Variants in PRKN observed in about 807,000 individuals in gnomAD.
PRKN encodes the protein E3 ubiquitin-protein ligase parkin.
Under a neutral mutation model 59.5 loss-of-function variants are expected in PRKN, and 56 were observed. The ratio of observed to expected loss-of-function variants is 0.94; its 90% confidence interval spans 0.76 to 1.18. PRKN has a LOEUF of 1.18. Ranked by LOEUF, PRKN falls within the 50% of genes most tolerant of loss-of-function variation. The pLI, the probability that PRKN is intolerant of heterozygous loss-of-function variation, is 0.00. For synonymous variants in PRKN, 250 were observed against 222.1 expected, an observed-to-expected ratio of 1.13 and a Z score of -1.12; for missense variants, 657 against 596.4, an observed-to-expected ratio of 1.10 and a Z score of -1.06.
At chr6:161,680,038 G>A (rs756577255) in intron 7 of PRKN, among the ~76,000 whole-genome samples, 6 of 152,110 alleles carry the variant, frequency 3.9e-5, no homozygotes, top group Non-Finnish European at 7.4e-5. Context: ...ACAGGCATGA[G>A]CCACCGTGCC....
chr6:162,578,145 T>G (rs1339766577), intron 1 of PRKN, among the ~76,000 whole-genome samples: 2 of 152,036 alleles, frequency 1.3e-5, no homozygotes, highest in Non-Finnish European at 2.9e-5. Flanking sequence ...GAGGAAATAT[T>G]TGGACAAATT....
intron 10 of PRKN, among the ~76,000 whole-genome samples, chr6:161,374,004 T>C (rs1465189397): frequency 6.6e-6 from 1 of 152,170 alleles, no homozygotes; most frequent in African/African-American, 2.4e-5. Context: ...TCATTTTATT[T>C]TTGTTTCTGG....
intron 4 of PRKN, among the ~76,000 whole-genome samples, chr6:162,141,977 G>T (rs919405573): frequency 2.0e-5 from 3 of 152,136 alleles, no homozygotes; most frequent in African/African-American, 7.2e-5. Flanking sequence ...ATGCACCATT[G>T]TAAGCTGTCC....
At position 161,548,210 on chromosome 6, in the gene PRKN, G is replaced by A. The variant is rs532390606; in HGVS notation, c.1083+644C>T. Among the ~76,000 whole-genome samples, 4 of 152,128 alleles carry A rather than the reference G, an allele frequency of 2.6e-5. No individual in the cohort carries two copies. The highest frequency in any genetic ancestry group is 2.6e-4 in the Admixed American group (4 of 15,280). ...AACCTATAATTTAGTAAGCCTTTTT[G>A]TGTTTGAGTTATGCTTCTTCCCCCC... On this transcript the variant is annotated intron_variant, in intron 9 of 11. Transcript: ENST00000366898. This position sits in a 1 kb window ranked among gnomAD's most constrained non-coding sequence, Gnocchi z 4.2.
At position 161,629,632 on chromosome 6, in the gene PRKN, C is replaced by T. The variant is rs139322454; in HGVS notation, c.872-60216G>A. Among the ~76,000 whole-genome samples the T allele has an allele frequency of 1.6e-3, 241 of 152,250 alleles. 2 individuals are homozygous for T. Among genetic ancestry groups the T allele is most frequent in the African/African-American group, 5.6e-3 (231 of 41,532 alleles). On this transcript the variant is annotated intron_variant, in intron 7 of 11. Transcript: ENST00000366898. Reference sequence around the variant, plus strand: ...TGCCCTTCCCAGGCTGGCCCTGAACCACGGACGCTTTTTTAATGTTTTCCA... The same window carrying T: ...TGCCCTTCCCAGGCTGGCCCTGAACTACGGACGCTTTTTTAATGTTTTCCA...
rs767771305 is a variant in PRKN at position 162,727,724 on chromosome 6, G to T, written c.-56C>A. On this transcript the variant is annotated 5_prime_UTR_variant, in exon 1 of 12. Transcript: ENST00000366898. ...GGAACAGGCCCATGCGCGCAGCGGC[G>T]CCAGCCGCGCCTCCCACCAGCGGCT... is the stretch of plus-strand genomic sequence containing the variant. The T allele has an allele frequency of 6.5e-7, 1 of 1,533,372 alleles. No homozygotes were observed. Among genetic ancestry groups the T allele is most frequent in the Non-Finnish European group, 8.8e-7 (1 of 1,132,156 alleles). The allele number at this position is 1,533,372 out of a possible 1,614,324, so 95.0% of individuals were successfully genotyped here. A position where few individuals can be genotyped will look rare whatever the true frequency, so the allele number is the denominator to read the frequency against.
chr6:162,346,433 T>G lies in PRKN; in HGVS notation c.172-83668A>C, dbSNP rs112840332. ...GAGTTCGAGACCAGCCTGGGCAACA[T>G]AGTGAAAAATCTGTCTCTACAAAAA... On this transcript the variant is annotated intron_variant, in intron 2 of 11. Coordinates refer to ENST00000366898, the MANE Select transcript of PRKN (RefSeq NM_004562.3). Among the ~76,000 whole-genome samples, 35 of 141,076 alleles carry G rather than the reference T, an allele frequency of 2.5e-4. No individual in the cohort carries two copies. The East Asian group carries it at 7.3e-3, about 29-fold the overall frequency. The allele number at this position is 141,076 out of a possible 152,430, so 92.6% of individuals were successfully genotyped here. A position where few individuals can be genotyped will look rare whatever the true frequency, so the allele number is the denominator to read the frequency against.
intron 5 of PRKN, among the ~76,000 whole-genome samples, chr6:162,031,595 A>G (rs1783644710): frequency 6.8e-6 from 1 of 147,944 alleles, no homozygotes; most frequent in Non-Finnish European, 1.5e-5. Context: ...CTGTACAATC[A>G]TGCAATCTCA....
intron 4 of PRKN, among the ~76,000 whole-genome samples, chr6:162,147,213 T>C (rs1782067663): frequency 6.6e-6 from 1 of 151,270 alleles, no homozygotes; most frequent in African/African-American, 2.4e-5. Context: ...CGTGGTGGCA[T>C]ATGCCTGTAG....
chr6:162,481,819 A>G (rs1266367133), intron 1 of PRKN, among the ~76,000 whole-genome samples: 1 of 152,204 alleles, frequency 6.6e-6, no homozygotes, highest in Non-Finnish European at 1.5e-5. Context: ...AACAAGAAAT[A>G]CATGCGTGTG....
chr6:161,698,860 A>G (rs1786131017), intron 7 of PRKN, among the ~76,000 whole-genome samples: 1 of 152,176 alleles, frequency 6.6e-6, no homozygotes, highest in African/African-American at 2.4e-5. Flanking sequence ...AACAGAAGAG[A>G]AAAGCATGAT....
intron 6 of PRKN, among the ~76,000 whole-genome samples, chr6:161,928,987 A>G (rs1779068232): frequency 1.3e-5 from 2 of 152,188 alleles, no homozygotes; most frequent in Non-Finnish European, 2.9e-5. Context: ...CCAAAAAAGT[A>G]CAAACGAGGA....
chr6:161,945,000 T>C (rs1039927554), intron 6 of PRKN, among the ~76,000 whole-genome samples: 3 of 152,310 alleles, frequency 2.0e-5, no homozygotes, highest in Middle Eastern at 3.4e-3. Flanking sequence ...TCAAGTTATA[T>C]ATGAGGAAGA....
At chr6:161,697,308 T>C (rs1786062567) in intron 7 of PRKN, among the ~76,000 whole-genome samples, 1 of 152,186 alleles carries the variant, frequency 6.6e-6, no homozygotes, top group South Asian at 2.1e-4. Flanking sequence ...GACAATGATA[T>C]CATGGAATGC....
intron 7 of PRKN, among the ~76,000 whole-genome samples, chr6:161,676,853 A>T (rs978528610): frequency 8.5e-5 from 13 of 152,178 alleles, no homozygotes; most frequent in Non-Finnish European, 1.6e-4. Flanking sequence ...TGAGAAAAAA[A>T]GTTGGCTCTG....
intron 7 of PRKN, among the ~76,000 whole-genome samples, chr6:161,689,662 T>C (rs1270073564): frequency 6.6e-6 from 1 of 152,202 alleles, no homozygotes; most frequent in East Asian, 1.9e-4. Context: ...ACGCCCAGCT[T>C]AATCATTTAT....
chr6:162,226,521 C>A (rs187568348), intron 3 of PRKN, among the ~76,000 whole-genome samples: 128 of 152,224 alleles, frequency 8.4e-4, no homozygotes, highest in Admixed American at 1.6e-3. Context: ...AGGAGGAACA[C>A]CAAGAATTTT....
chr6:162,512,108 AATCT>A (rs1404424501), intron 1 of PRKN, among the ~76,000 whole-genome samples: 1 of 152,220 alleles, frequency 6.6e-6, no homozygotes. Flanking sequence ...TTCTTAGACG[AATCT>A]ATCTAGCACA....
chr6:161,755,996 A>G (rs1788900940), intron 7 of PRKN, among the ~76,000 whole-genome samples: 1 of 152,220 alleles, frequency 6.6e-6, no homozygotes, highest in Admixed American at 6.5e-5. Flanking sequence ...ATTGACAATT[A>G]GCAATCAGCT....
Sources: allele counts gnomAD v4.1 joint callset (sites outside exome capture counted in the v4.1 genomes callset), GRCh38; gene constraint gnomAD v4.1.1; non-coding constraint Gnocchi (gnomAD v3.1); transcripts MANE v1.5; gene names NCBI Gene and HGNC (gene_info 2026-07-23, HGNC 2026-07-21).